NAV1: variants seen among roughly 807,000 people sequenced by gnomAD.
NAV1 encodes the protein pore membrane and/or filament interacting like protein 3.
A neutral mutation model predicts 175.2 loss-of-function variants in NAV1; 18 were observed. That is an observed-to-expected ratio of 0.10 (90% CI 0.07 to 0.15). NAV1 has a LOEUF of 0.15. Among genes scored for constraint, NAV1 ranks in the 10% least tolerant of loss-of-function variants. The pLI is 1.00. For missense variants in NAV1, 1,731 were observed against 2,436.6 expected, an observed-to-expected ratio of 0.71 and a Z score of 6.10; for synonymous variants, 897 against 978.7, an observed-to-expected ratio of 0.92 and a Z score of 1.56.
intron 1 of NAV1, among the ~76,000 whole-genome samples, chr1:201,701,022 A>AAAG (rs1164841623): frequency 1.3e-5 from 2 of 150,240 alleles, no homozygotes; most frequent in African/African-American, 2.4e-5. Context: ...AAAAAAAAAA[A>AAAG]AAAAAAAAAA....
rs1199604143 is a variant in NAV1 at position 201,777,923 on chromosome 1, A to G, written c.1227-2498A>G. Among the ~76,000 whole-genome samples the G allele has an allele frequency of 2.0e-5, 3 of 152,156 alleles. No individual in the cohort carries two copies. The South Asian group carries it at 6.2e-4, about 32-fold the overall frequency. On this transcript the variant is annotated intron_variant, in intron 3 of 29. Coordinates refer to ENST00000367296, the Ensembl canonical transcript of NAV1. ...GCCTTCCAGCCTGGGTGACACAGTG[A>G]GAGGAAAGAAAGAAAGAGAGAGAGA... is the stretch of plus-strand genomic sequence containing the variant.
chr1:201,584,481 G>A (rs1019893686), intron 1 of NAV1, among the ~76,000 whole-genome samples: 1 of 152,230 alleles, frequency 6.6e-6, no homozygotes, highest in Non-Finnish European at 1.5e-5. Flanking sequence ...GATTGCCTGA[G>A]ATGTGTGTGC....
rs147921136 is a variant in NAV1 at position 201,687,826 on chromosome 1, T to C, written c.758-24991T>C. Among the ~76,000 whole-genome samples, 1,254 of 152,232 alleles carry C rather than the reference T, an allele frequency of 8.2e-3. 19 individuals are homozygous for C. Among genetic ancestry groups the C allele is most frequent in the African/African-American group, 0.027 (1,131 of 41,530 alleles). ...GGGAACTGATGGGAGAGTATGAACA[T>C]CTGAGGGCGGGCAAGTTTCTCCAAG... is the stretch of plus-strand genomic sequence containing the variant. On this transcript the variant is annotated intron_variant, in intron 1 of 29. Coordinates refer to ENST00000367296, the Ensembl canonical transcript of NAV1.
intron 1 of NAV1, among the ~76,000 whole-genome samples, chr1:201,577,035 G>A (rs552985619): frequency 3.0e-4 from 45 of 152,176 alleles, no homozygotes; most frequent in African/African-American, 7.5e-4. Flanking sequence ...CTGTCATCTA[G>A]GCTGGAGTGC....
chr1:201,670,454 A>C (rs1378742696), intron 1 of NAV1, among the ~76,000 whole-genome samples: 1 of 151,804 alleles, frequency 6.6e-6, no homozygotes, highest in Non-Finnish European at 1.5e-5. Flanking sequence ...GATTCATATA[A>C]ATTTTGAGCT....
At chr1:201,565,204 A>C (rs1666317654) in intron 1 of NAV1, among the ~76,000 whole-genome samples, 2 of 152,178 alleles carry the variant, frequency 1.3e-5, no homozygotes, top group Non-Finnish European at 2.9e-5. Context: ...AAAGGTAATA[A>C]ATGTAAGGTG....
At chr1:201,625,890 T>G (rs1208850380) in intron 1 of NAV1, among the ~76,000 whole-genome samples, 1 of 152,246 alleles carries the variant, frequency 6.6e-6, no homozygotes, top group Admixed American at 6.5e-5. Flanking sequence ...GAACCATGTT[T>G]CCTTCATTCA....
intron 1 of NAV1, among the ~76,000 whole-genome samples, chr1:201,571,917 GGTA>G (rs958031408): frequency 2.0e-5 from 3 of 152,116 alleles, no homozygotes; most frequent in African/African-American, 7.2e-5. Flanking sequence ...ATGATACTCT[GGTA>G]TAACCATCTA....
intron 1 of NAV1, among the ~76,000 whole-genome samples, chr1:201,543,176 G>C (rs1449029191): frequency 6.6e-6 from 1 of 152,200 alleles, no homozygotes; most frequent in Admixed American, 6.5e-5. Flanking sequence ...AGTGGCAGTG[G>C]TGAAAGCAGA....
At chr1:201,707,788 C>G (rs1671732819) in intron 1 of NAV1, among the ~76,000 whole-genome samples, 1 of 152,290 alleles carries the variant, frequency 6.6e-6, no homozygotes, top group South Asian at 2.1e-4. Flanking sequence ...GGAGATGTGT[C>G]CACAGAAATC....
intron 3 of NAV1, among the ~76,000 whole-genome samples, chr1:201,741,701 A>G (rs1217311641): frequency 1.8e-4 from 28 of 152,044 alleles, no homozygotes; most frequent in Admixed American, 1.8e-3. Flanking sequence ...AGTGACCCCA[A>G]TGCCCTTTCT....
intron 3 of NAV1, among the ~76,000 whole-genome samples, chr1:201,721,293 C>T (rs895676376): frequency 6.6e-6 from 1 of 152,214 alleles, no homozygotes; most frequent in African/African-American, 2.4e-5. Flanking sequence ...AGCAGTAACC[C>T]TTAACACGAG....
At chr1:201,570,300 C>G (rs1271523552) in intron 1 of NAV1, among the ~76,000 whole-genome samples, 1 of 152,184 alleles carries the variant, frequency 6.6e-6, no homozygotes, top group African/African-American at 2.4e-5. Flanking sequence ...CAGGCGCCTC[C>G]TTACAGCCGT....
chr1:201,541,030 C>G (rs1665498711), intron 1 of NAV1, among the ~76,000 whole-genome samples: 1 of 152,208 alleles, frequency 6.6e-6, no homozygotes, highest in Non-Finnish European at 1.5e-5. Context: ...AGAGAACAGC[C>G]CCTGATCTGA....
chr1:201,593,441 T>G (rs780768781), intron 2 of NAV1, among the ~76,000 whole-genome samples: 6 of 152,228 alleles, frequency 3.9e-5, no homozygotes, highest in Non-Finnish European at 7.3e-5. Flanking sequence ...TACCTCTGTT[T>G]TCTTTGGCTG....
chr1:201,780,303 T>G, intron 3 of NAV1, 118 bp from the exon 8 acceptor site: 1 of 1,186,118 alleles, frequency 8.4e-7, no homozygotes, highest in Non-Finnish European at 1.2e-6. Context: ...CCCCCAGGTT[T>G]TCTCCTTTTG....
chr1:201,771,583 G>T (rs1675595074), intron 3 of NAV1, among the ~76,000 whole-genome samples: 1 of 151,352 alleles, frequency 6.6e-6, no homozygotes, highest in Non-Finnish European at 1.5e-5. Context: ...GACTGACTCA[G>T]CTCTCAATCC....
intron 1 of NAV1, among the ~76,000 whole-genome samples, chr1:201,561,380 A>T (rs1263477872): frequency 2.0e-5 from 3 of 152,232 alleles, no homozygotes; most frequent in Admixed American, 2.0e-4. Context: ...ACATGGTGTT[A>T]CGCAAAAACA....
intron 1 of NAV1, among the ~76,000 whole-genome samples, chr1:201,712,370 C>A (rs944343997): frequency 6.6e-6 from 1 of 152,194 alleles, no homozygotes; most frequent in African/African-American, 2.4e-5. Flanking sequence ...TGGCAAACAC[C>A]ACACATCGGT....
Sources: gnomAD v4.1 joint callset for allele counts (sites outside exome capture counted in the v4.1 genomes callset) on GRCh38, gnomAD v4.1.1 for gene constraint, MANE v1.5 for transcripts, NCBI Gene and HGNC (gene_info 2026-07-23, HGNC 2026-07-21) for gene names.